SF1: variants seen among roughly 807,000 people sequenced by gnomAD.
SF1 encodes the protein splicing factor 1.
In SF1, 7 loss-of-function variants were observed where a neutral mutation model predicts 62.5. The observed-to-expected ratio is 0.11, with a 90% CI of 0.06 to 0.21. The LOEUF is 0.21. Among genes scored for constraint, SF1 ranks in the 10% least tolerant of loss-of-function variants. The probability of loss-of-function intolerance (pLI) is 1.00; values close to 1 mark genes in which losing one functional copy is unlikely to be tolerated. For synonymous variants in SF1, 394 were observed against 323.6 expected (o/e 1.22, Z -2.33); for missense variants, 578 against 884.0 (o/e 0.65, Z 4.39).
chr11:64,775,200 T>C (rs770927775), intron 2 of SF1, among the ~76,000 whole-genome samples: 24 of 152,068 alleles, frequency 1.6e-4, no homozygotes, highest in Non-Finnish European at 2.9e-4. Context: ...AAAAGGGTCA[T>C]TCTCTTCTGT....
chr11:64,778,333 CG>C (rs1408506680), intron 1 of SF1, 28 bp downstream of exon 1: 5 of 1,224,688 alleles, frequency 4.1e-6, no homozygotes, highest in Non-Finnish European at 5.1e-6. Context: ...GCCCGGGGAG[CG>C]GGGGCAGCCC....
At chr11:64,771,605 A>G in intron 3 of SF1, 1 of 985,456 alleles carries the variant, frequency 1.0e-6, no homozygotes, top group Middle Eastern at 5.2e-4. Context: ...GTTCATGGCT[A>G]ATGACGGCTA....
At chr11:64,777,779 C>A in intron 1 of SF1, 3 of 954,362 alleles carry the variant, frequency 3.1e-6, no homozygotes, top group South Asian at 4.8e-5. Context: ...GAGCGCCTCC[C>A]GCCCGCCCAG....
intron 12 of SF1, 40 bp from the exon 13 acceptor site, chr11:64,766,195 C>A (rs2058650484): frequency 2.0e-5 from 31 of 1,535,674 alleles, no homozygotes; most frequent in Non-Finnish European, 2.6e-5. Flanking sequence ...CGCGCGGGGG[C>A]ACACCGCGGC....
intron 3 of SF1, among the ~76,000 whole-genome samples, chr11:64,771,046 G>A (rs1441710579): frequency 6.6e-6 from 1 of 152,184 alleles, no homozygotes; most frequent in Non-Finnish European, 1.5e-5. Context: ...TCGAGGTTGG[G>A]GAGTCTGGGT....
In SF1 at chr11:64,767,036, C is replaced by T. The variant is rs767189553; in HGVS notation, c.1446G>A (p.Pro482=). The T allele has an allele frequency of 1.3e-5, 20 of 1,549,670 alleles. No homozygotes were observed. In the South Asian group the frequency reaches 2.0e-4, roughly 15 times the overall value. The change falls in exon 12 of 13, where the codon CCG becomes CCA. Residue 482 remains proline (P), a synonymous_variant. Coordinates refer to ENST00000377390, the MANE Select transcript of SF1 (RefSeq NM_004630.4). ...GTGGGGGCTGCCCACTGGGAGGCGG[C>T]GGCGGCGGCGGCATCATGCCCATAG... The part of the protein sequence containing the change: ...PPPMGMMPPP[P]PPPSGQPPPP...
rs1450649793 is a variant in SF1 at position 64,769,407 on chromosome 11, T to C, written c.663+19A>G. The C allele has an allele frequency of 4.3e-6, 7 of 1,613,816 alleles. No homozygotes were observed. Among genetic ancestry groups the C allele is most frequent in the African/African-American group, 2.7e-5 (2 of 74,896 alleles). ...CTAGGTTTCTGCTAGGAGGCTTCCT[T>C]TCTGGGCTCACCGCTCACCTGTTCC... On this transcript the variant is annotated intron_variant, in intron 6 of 12. Coordinates refer to ENST00000377390, the MANE Select transcript of SF1 (RefSeq NM_004630.4).
chr11:64,778,275 C>A (rs1350155599), intron 1 of SF1, 87 bp downstream of exon 1: 3 of 1,208,790 alleles, frequency 2.5e-6, no homozygotes, highest in African/African-American at 1.6e-5. Context: ...AGCAGCCCCG[C>A]CCCAGGCCCG....
At chr11:64,778,314 C>T (rs1592547753) in intron 1 of SF1, 48 bp downstream of exon 1, 3 of 1,222,936 alleles carry the variant, frequency 2.5e-6, no homozygotes, top group South Asian at 4.1e-5. Context: ...GGCTCGAAGC[C>T]TCCTTTGGGC....
In SF1 at chr11:64,776,308, G is replaced by A. The variant is rs58716834; in HGVS notation, c.160+190C>T. The A allele has an allele frequency of 6.5e-3, 3,868 of 597,092 alleles. 108 individuals carry two copies. The highest frequency in any genetic ancestry group is 0.065 in the African/African-American group (3,441 of 53,292). The allele number at this position is 597,092 out of a possible 1,614,324, so 37.0% of individuals were successfully genotyped here. On this transcript the variant is annotated intron_variant, in intron 2 of 12. Coordinates refer to ENST00000377390, the MANE Select transcript of SF1 (RefSeq NM_004630.4). The stretch of plus-strand genomic sequence containing the variant: ...TACTCATGGAGAACACTGCAGTTAC[G>A]AACAGACCAAAACAAGGAGCTGCAA...
At chr11:64,778,121 G>T in intron 1 of SF1, 1 of 851,896 alleles carries the variant, frequency 1.2e-6, no homozygotes, top group Non-Finnish European at 1.4e-6. Flanking sequence ...GGCGCCGGGG[G>T]ACGGTGGCGG....
intron 2 of SF1, among the ~76,000 whole-genome samples, chr11:64,774,523 T>A: frequency 6.6e-6 from 1 of 152,226 alleles, no homozygotes; most frequent in South Asian, 2.1e-4. Context: ...CAAATGTTAC[T>A]AGGTTGGGTT....
chr11:64,778,128 G>T, intron 1 of SF1: 1 of 838,590 alleles, frequency 1.2e-6, no homozygotes, highest in Non-Finnish European at 1.5e-6. Flanking sequence ...GGGGACGGTG[G>T]CGGTGGAGGC....
Position 64,769,591 on chromosome 11 carries a change from G to A in SF1, c.498C>T (p.Asn166=). 2 of 1,613,808 alleles carry A rather than the reference G, an allele frequency of 1.2e-6. No homozygotes were observed. Among genetic ancestry groups the A allele is most frequent in the African/African-American group, 2.7e-5 (2 of 74,978 alleles). Residue 166 remains asparagine, a synonymous_variant, in exon 6 of 13, where the codon AAC becomes AAT. Coordinates refer to ENST00000377390, the MANE Select transcript of SF1 (RefSeq NM_004630.4). ...TCTTGGCATTGCACTCCTTCTCTAT[G>A]TTCTTCAGGGTGTTCCCTCTAGAGA... ...LIGPRGNTLK[N]IEKECNAKIM...
chr11:64,773,565 A>C, intron 2 of SF1, 60 bp from the exon 3 acceptor site: 5 of 1,546,730 alleles, frequency 3.2e-6, no homozygotes, highest in Non-Finnish European at 4.4e-6. Context: ...TGTTACCAAT[A>C]AACATCTCAA....
At chr11:64,778,293 G>A in intron 1 of SF1, 69 bp downstream of exon 1, 1 of 1,218,284 alleles carries the variant, frequency 8.2e-7, no homozygotes, top group Non-Finnish European at 1.0e-6. Context: ...CCGGGTGCAG[G>A]CGGAGGGCCC....
At chr11:64,769,692 T>TG in intron 5 of SF1, 83 bp from the exon 6 acceptor site, 19 of 1,272,820 alleles carry the variant, frequency 1.5e-5, no homozygotes, top group Non-Finnish European at 2.1e-5. Flanking sequence ...TTGGCATTGG[T>TG]GGGAAACCAC....
In SF1 at chr11:64,778,473, C is replaced by G; in HGVS notation, c.-81G>C. On this transcript the variant is annotated 5_prime_UTR_variant, in exon 1 of 13. Transcript: ENST00000377390. Reference sequence around the variant, plus strand: ...TCGCAAGCCTCCCGGGGGGAGGGGACCCGAATGCGCTGCCGGAGCGCGCGG... The same window carrying G: ...TCGCAAGCCTCCCGGGGGGAGGGGAGCCGAATGCGCTGCCGGAGCGCGCGG... 1 of 1,210,320 alleles carries G rather than the reference C, an allele frequency of 8.3e-7. No individual in the cohort carries two copies. The highest frequency in any genetic ancestry group is 1.0e-6 in the Non-Finnish European group (1 of 973,256). 75.0% of individuals were successfully genotyped at this position (1,210,320 alleles called of 1,614,324 possible).
chr11:64,778,026 G>A lies in SF1; in HGVS notation c.31+336C>T, dbSNP rs1939650133. On this transcript the variant is annotated intron_variant, in intron 1 of 12. Transcript: ENST00000377390. ...GCCGGGCCCGGCTGCTGGTCCTTAC[G>A]CGGCGGCTGGGGTGGCGGCGGCTGC... 2 of 1,007,128 alleles carry A rather than the reference G, an allele frequency of 2.0e-6. No individual in the cohort carries two copies. The highest frequency in any genetic ancestry group is 2.4e-6 in the Non-Finnish European group (2 of 846,148). The allele number at this position is 1,007,128 out of a possible 1,614,324, so 62.4% of individuals were successfully genotyped here.
Sources: allele counts gnomAD v4.1 joint callset (sites outside exome capture counted in the v4.1 genomes callset), GRCh38; gene constraint gnomAD v4.1.1; transcripts MANE v1.5; gene names NCBI Gene and HGNC (gene_info 2026-07-23, HGNC 2026-07-21).